Variants in PRDM6 observed in about 807,000 individuals in gnomAD.
PRDM6 encodes putative histone-lysine N-methyltransferase PRDM6.
A neutral mutation model predicts 60.8 loss-of-function variants in PRDM6; 25 were observed. The observed-to-expected ratio is 0.41, with a 90% CI of 0.30 to 0.57. PRDM6 has a LOEUF of 0.57. Among genes scored for constraint, PRDM6 ranks in the 20% least tolerant of loss-of-function variants. The pLI, the probability that PRDM6 is intolerant of heterozygous loss-of-function variation, is 0.27. For synonymous variants in PRDM6, 407 were observed against 357.4 expected (o/e 1.14, Z -1.57); for missense variants, 839 against 821.3 (o/e 1.02, Z -0.26).
At chr5:123,122,036 G>A (rs937864877) in intron 3 of PRDM6, among the ~76,000 whole-genome samples, 8 of 151,180 alleles carry the variant, frequency 5.3e-5, no homozygotes, top group East Asian at 1.9e-4. Context: ...GGTGGCGGGC[G>A]CCTGTAATCC....
chr5:123,159,260 C>T (rs1184979576), intron 4 of PRDM6, among the ~76,000 whole-genome samples: 1 of 152,070 alleles, frequency 6.6e-6, no homozygotes, highest in African/African-American at 2.4e-5. Flanking sequence ...TCTGATGTCT[C>T]CTGGGCTAAA....
intron 3 of PRDM6, among the ~76,000 whole-genome samples, chr5:123,133,994 T>C (rs1404427534): frequency 6.6e-6 from 1 of 152,148 alleles, no homozygotes; most frequent in Non-Finnish European, 1.5e-5. Flanking sequence ...GTCTTGTCAT[T>C]TATTAATTAC....
chr5:123,102,590 G>A (rs1190595420), intron 3 of PRDM6, among the ~76,000 whole-genome samples: 2 of 151,920 alleles, frequency 1.3e-5, no homozygotes, highest in Admixed American at 1.3e-4. Flanking sequence ...TATTCTTTTA[G>A]ATGTCTTCCA....
At chr5:123,101,341 C>T (rs1021302716) in intron 3 of PRDM6, among the ~76,000 whole-genome samples, 4 of 152,096 alleles carry the variant, frequency 2.6e-5, no homozygotes, top group African/African-American at 9.7e-5. Context: ...CCCAGCAGCC[C>T]AAAATGAGGA....
Position 123,193,385 on chromosome 5 carries a change from A to G in PRDM6, c.*6184A>G, listed in dbSNP as rs562592528. On this transcript the variant is annotated 3_prime_UTR_variant, in exon 8 of 8. Transcript: ENST00000407847. The stretch of plus-strand genomic sequence containing the variant: ...GTGATTGCCACATGTTGGGGAAAGC[A>G]GCCATCTTAGAGCAAAAGTCTGCCA... 1.3e-5 allele frequency: 2 copies of G among 152,334 alleles called. No homozygotes were observed. The highest frequency in any genetic ancestry group is 2.1e-4 in the South Asian group (1 of 4,830). 9.4% of individuals were successfully genotyped at this position (152,334 alleles called of 1,614,324 possible).
intron 7 of PRDM6, among the ~76,000 whole-genome samples, chr5:123,182,417 G>A (rs1297980058): frequency 6.6e-6 from 1 of 152,208 alleles, no homozygotes; most frequent in Non-Finnish European, 1.5e-5. Context: ...GACCAATACA[G>A]TGCCAGGAGT....
At chr5:123,170,236 T>G (rs1765854515) in intron 5 of PRDM6, among the ~76,000 whole-genome samples, 1 of 152,196 alleles carries the variant, frequency 6.6e-6, no homozygotes, top group Non-Finnish European at 1.5e-5. Flanking sequence ...CATGCTAGAC[T>G]TCTCCTGCCT....
chr5:123,119,140 T>C (rs1764522401), intron 3 of PRDM6, among the ~76,000 whole-genome samples: 1 of 152,012 alleles, frequency 6.6e-6, no homozygotes, highest in African/African-American at 2.4e-5. Context: ...GTGTAGTAGG[T>C]AGCATTAACT....
chr5:123,121,497 C>T (rs1764580764), intron 3 of PRDM6, among the ~76,000 whole-genome samples: 1 of 152,182 alleles, frequency 6.6e-6, no homozygotes, highest in African/African-American at 2.4e-5. Context: ...ATCCTCCCAC[C>T]TTGGCCTCCC....
intron 7 of PRDM6, among the ~76,000 whole-genome samples, chr5:123,184,409 C>T (rs1325137899): frequency 3.9e-5 from 6 of 152,160 alleles, no homozygotes; most frequent in Non-Finnish European, 7.3e-5. Context: ...AGACTTTCCA[C>T]TTCATTGTTC....
At chr5:123,094,197 A>T (rs957570343) in intron 2 of PRDM6, among the ~76,000 whole-genome samples, 3 of 152,138 alleles carry the variant, frequency 2.0e-5, no homozygotes, top group Non-Finnish European at 2.9e-5. Context: ...GAGACAAAGG[A>T]GGGCGAGTGT....
At chr5:123,169,045 G>A (rs989492230) in intron 5 of PRDM6, among the ~76,000 whole-genome samples, 8 of 152,192 alleles carry the variant, frequency 5.3e-5, no homozygotes, top group African/African-American at 1.9e-4. Context: ...CCTGCCACGC[G>A]GCCTTGAACT....
chr5:123,130,656 CT>C (rs1764811548), intron 3 of PRDM6, among the ~76,000 whole-genome samples: 2 of 151,820 alleles, frequency 1.3e-5, no homozygotes, highest in African/African-American at 4.8e-5. Flanking sequence ...CCTCCGCCTC[CT>C]GGGTTCAAAT....
intron 5 of PRDM6, among the ~76,000 whole-genome samples, chr5:123,160,435 C>T (rs1360456482): frequency 6.6e-6 from 1 of 152,194 alleles, no homozygotes; most frequent in Non-Finnish European, 1.5e-5. Context: ...GTTTTCTTGT[C>T]ACCACATTGA....
At chr5:123,180,391 G>A (rs1766122175) in intron 7 of PRDM6, 68 bp downstream of exon 7, 5 of 1,455,956 alleles carry the variant, frequency 3.4e-6, no homozygotes, top group South Asian at 2.8e-5. Context: ...TGATGCATCA[G>A]CACAGTGCTG....
chr5:123,185,190 G>A (rs1183752160), intron 7 of PRDM6, among the ~76,000 whole-genome samples: 8 of 152,066 alleles, frequency 5.3e-5, no homozygotes, highest in Admixed American at 1.3e-4. Context: ...CTGCCAACTC[G>A]TGTATTCCTC....
intron 3 of PRDM6, among the ~76,000 whole-genome samples, chr5:123,100,895 C>A (rs1383359856): frequency 6.6e-6 from 1 of 152,186 alleles, no homozygotes; most frequent in Non-Finnish European, 1.5e-5. Flanking sequence ...TTATGTAATA[C>A]AAGATGACAG....
chr5:123,164,216 C>T (rs970801282), intron 5 of PRDM6, among the ~76,000 whole-genome samples: 2 of 152,150 alleles, frequency 1.3e-5, no homozygotes, highest in Admixed American at 1.3e-4. Flanking sequence ...GTGAGGTGGC[C>T]ACAGCAGAGA....
chr5:123,140,722 G>C (rs1580511771), intron 3 of PRDM6, among the ~76,000 whole-genome samples: 1 of 152,072 alleles, frequency 6.6e-6, no homozygotes, highest in South Asian at 2.1e-4. Flanking sequence ...GTAAATGTCT[G>C]AAAAACAGGT....
Sources: allele counts gnomAD v4.1 joint callset (sites outside exome capture counted in the v4.1 genomes callset), GRCh38; gene constraint gnomAD v4.1.1; transcripts MANE v1.5; gene names NCBI Gene and HGNC (gene_info 2026-07-23, HGNC 2026-07-21).